CFAP58: variants seen among roughly 807,000 people sequenced by gnomAD.
CFAP58 encodes cilia- and flagella-associated protein 58.
Under a neutral mutation model 119.5 loss-of-function variants are expected in CFAP58, and 88 were observed. That is an observed-to-expected ratio of 0.74 (90% CI 0.62 to 0.88). CFAP58 has a LOEUF of 0.88. CFAP58 is among the 40% of genes least tolerant of loss of function. The probability of loss-of-function intolerance (pLI) is 0.00; values close to 1 mark genes in which losing one functional copy is unlikely to be tolerated. For synonymous variants in CFAP58, 365 were observed against 366.3 expected (o/e 1.00, Z 0.04); for missense variants, 990 against 1,021.2 (o/e 0.97, Z 0.42).
chr10:104,389,373 A>T (rs1042753059), intron 9 of CFAP58, among the ~76,000 whole-genome samples: 2 of 152,178 alleles, frequency 1.3e-5, no homozygotes, highest in Admixed American at 6.5e-5. Context: ...ATGCTCAAAA[A>T]AGAAATGCCC....
At chr10:104,425,597 C>G (rs1048371293) in intron 15 of CFAP58, among the ~76,000 whole-genome samples, 1 of 152,074 alleles carries the variant, frequency 6.6e-6, no homozygotes, top group Non-Finnish European at 1.5e-5. Flanking sequence ...AGTATTAGAC[C>G]AGTTTTACAA....
intron 15 of CFAP58, among the ~76,000 whole-genome samples, chr10:104,432,589 G>A (rs894733821): frequency 6.6e-6 from 1 of 151,540 alleles, no homozygotes; most frequent in Non-Finnish European, 1.5e-5. Flanking sequence ...TACATTCTCC[G>A]CCTCATGGGT....
intron 15 of CFAP58, among the ~76,000 whole-genome samples, chr10:104,428,720 C>T (rs766781452): frequency 2.0e-5 from 3 of 152,098 alleles, no homozygotes; most frequent in Non-Finnish European, 4.4e-5. Context: ...TGTGTGTCTG[C>T]GTATGTTGAT....
At chr10:104,400,998 TTTATCGAG>T in intron 13 of CFAP58, 95 bp downstream of exon 13, 1 of 824,336 alleles carries the variant, frequency 1.2e-6, no homozygotes, top group Non-Finnish European at 1.9e-6. Flanking sequence ...ATTGAAGGTC[TTTATCGAG>T]TTGTACAAAA....
chr10:104,385,158 A>T (rs532388941), intron 9 of CFAP58, among the ~76,000 whole-genome samples: 1 of 152,266 alleles, frequency 6.6e-6, no homozygotes, highest in South Asian at 2.1e-4. Flanking sequence ...AAGAGACAAG[A>T]TGCACCTGAG....
chr10:104,361,801 T>G (rs1454034561), intron 2 of CFAP58, among the ~76,000 whole-genome samples: 1 of 152,232 alleles, frequency 6.6e-6, no homozygotes, highest in East Asian at 1.9e-4. Flanking sequence ...TCTTCTTGCC[T>G]CGGCCTCCCG....
At chr10:104,364,607 T>C in intron 3 of CFAP58, 126 bp from the exon 4 acceptor site, 1 of 778,242 alleles carries the variant, frequency 1.3e-6, no homozygotes, top group South Asian at 2.0e-5. Flanking sequence ...GATCTTTCTC[T>C]TTAATGTCTG....
intron 9 of CFAP58, among the ~76,000 whole-genome samples, chr10:104,391,912 T>C (rs1013262105): frequency 3.9e-5 from 6 of 152,326 alleles, no homozygotes; most frequent in Middle Eastern, 3.4e-3. Context: ...CTATTTTTTT[T>C]CCCTTTTTTG....
At chr10:104,396,679 G>A (rs1169979013) in intron 11 of CFAP58, among the ~76,000 whole-genome samples, 1 of 152,180 alleles carries the variant, frequency 6.6e-6, no homozygotes, top group Admixed American at 6.5e-5. Flanking sequence ...TTGTATAATT[G>A]TGGAAGCAGT....
At chr10:104,449,960 G>T in intron 16 of CFAP58, 111 bp from the exon 17 acceptor site, 3 of 1,034,586 alleles carry the variant, frequency 2.9e-6, no homozygotes, top group Non-Finnish European at 2.8e-6. Context: ...TGTGAAACTT[G>T]GGCATTGTTT....
chr10:104,403,598 C>T (rs904165476), intron 13 of CFAP58, 131 bp from the exon 14 acceptor site: 3 of 460,866 alleles, frequency 6.5e-6, no homozygotes, highest in Non-Finnish European at 1.2e-5. Flanking sequence ...GAGGCTGGTC[C>T]CTGTGTTCAC....
chr10:104,382,753 T>A (rs1263487655), intron 9 of CFAP58, among the ~76,000 whole-genome samples: 1 of 152,198 alleles, frequency 6.6e-6, no homozygotes, highest in Non-Finnish European at 1.5e-5. Context: ...TCTTTCCTGG[T>A]GACTTGTGAA....
chr10:104,452,768 A>G (rs1300385536), intron 17 of CFAP58, among the ~76,000 whole-genome samples: 4 of 152,220 alleles, frequency 2.6e-5, no homozygotes, highest in Admixed American at 2.6e-4. Context: ...GCAGTCCTAG[A>G]AAGTTCTAGA....
At chr10:104,357,934 C>G (rs1307806608) in intron 1 of CFAP58, among the ~76,000 whole-genome samples, 1 of 114,634 alleles carries the variant, frequency 8.7e-6, no homozygotes, top group South Asian at 2.3e-4. Context: ...CACATATACA[C>G]ACATATATGT....
chr10:104,342,690 C>CA, the CFAP58 span, among the ~76,000 whole-genome samples: 1 of 132,356 alleles, frequency 7.6e-6, no homozygotes, highest in East Asian at 2.2e-4. Context: ...AAAAAAAATA[C>CA]AAAAATTAGC....
At chr10:104,391,670 G>A (rs745435306) in intron 9 of CFAP58, among the ~76,000 whole-genome samples, 5 of 152,148 alleles carry the variant, frequency 3.3e-5, no homozygotes, top group Admixed American at 3.3e-4. Context: ...CTTGCATCCC[G>A]CCTTTCCTGG....
intron 15 of CFAP58, among the ~76,000 whole-genome samples, chr10:104,440,355 AC>A (rs201205747): frequency 6.7e-6 from 1 of 149,776 alleles, no homozygotes; most frequent in South Asian, 2.1e-4. Flanking sequence ...TTTTAAAAAA[AC>A]CACATGAATG....
chr10:104,390,464 A>G (rs1056952107), intron 9 of CFAP58, among the ~76,000 whole-genome samples: 4 of 152,234 alleles, frequency 2.6e-5, no homozygotes, highest in East Asian at 3.8e-4. Context: ...TTACTCATTG[A>G]ATAACTTTGT....
chr10:104,384,965 C>T (rs1487915825), intron 9 of CFAP58, among the ~76,000 whole-genome samples: 2 of 152,122 alleles, frequency 1.3e-5, no homozygotes, highest in African/African-American at 4.8e-5. Flanking sequence ...GAGGAGTTCC[C>T]TAAGACAGGA....
Sources: allele counts gnomAD v4.1 joint callset (sites outside exome capture counted in the v4.1 genomes callset), GRCh38; gene constraint gnomAD v4.1.1; transcripts MANE v1.5; gene names NCBI Gene and HGNC (gene_info 2026-07-23, HGNC 2026-07-21).